The following VPS13C variants were observed in gnomAD, a reference collection of about 807,000 sequenced individuals.
The protein encoded by VPS13C is vacuolar protein sorting 13 homolog C, also known as intermembrane lipid transfer protein VPS13C.
Under a neutral mutation model 456.8 loss-of-function variants are expected in VPS13C, and 358 were observed. The observed-to-expected ratio is 0.78, with a 90% CI of 0.72 to 0.86. The LOEUF (loss-of-function observed/expected upper bound fraction) is 0.86, where lower values mean the gene tolerates loss of function less well. Among genes scored for constraint, VPS13C ranks in the 40% least tolerant of loss-of-function variants. The pLI, the probability that VPS13C is intolerant of heterozygous loss-of-function variation, is 0.00. For synonymous variants in VPS13C, 1,578 were observed against 1,486.7 expected, an observed-to-expected ratio of 1.06 and a Z score of -1.41; for missense variants, 4,818 against 4,385.4, an observed-to-expected ratio of 1.10 and a Z score of -2.79.
At chr15:62,053,753 G>A (rs1481496106) in intron 1 of VPS13C, among the ~76,000 whole-genome samples, 1 of 152,210 alleles carries the variant, frequency 6.6e-6, no homozygotes. Context: ...TCCCAGTCCA[G>A]TGTTCATTCT....
At chr15:61,927,667 C>A (rs1386178414) in intron 51 of VPS13C, among the ~76,000 whole-genome samples, 3 of 152,046 alleles carry the variant, frequency 2.0e-5, no homozygotes, top group Non-Finnish European at 4.4e-5. Flanking sequence ...CTAGAAATAC[C>A]ATTTGACCCA....
At chr15:62,011,970 A>G (rs2047055818) in intron 12 of VPS13C, 137 bp downstream of exon 12, 1 of 551,866 alleles carries the variant, frequency 1.8e-6, no homozygotes, top group Non-Finnish European at 3.2e-6. Flanking sequence ...TATAACCCAA[A>G]CATGTTGTAT....
At chr15:62,031,678 A>G (rs1218135137) in intron 5 of VPS13C, among the ~76,000 whole-genome samples, 1 of 151,992 alleles carries the variant, frequency 6.6e-6, no homozygotes, top group Admixed American at 6.6e-5. Context: ...CTTAAATTTT[A>G]TCATTCAAGA....
chr15:62,015,782 C>T (rs1388102090), intron 9 of VPS13C, among the ~76,000 whole-genome samples: 3 of 52,620 alleles, frequency 5.7e-5, no homozygotes, highest in Admixed American at 2.6e-4. Context: ...GTGGTGGGGT[C>T]GGGGGAGGGG....
chr15:62,001,565 A>T (rs554251587), intron 15 of VPS13C, among the ~76,000 whole-genome samples: 180 of 152,272 alleles, frequency 1.2e-3, no homozygotes, highest in Non-Finnish European at 1.9e-3. Flanking sequence ...CATGTGCACA[A>T]CGTGCAGGTT....
intron 21 of VPS13C, 37 bp downstream of exon 21, chr15:61,982,422 C>T: frequency 6.5e-7 from 1 of 1,527,742 alleles, no homozygotes; most frequent in Non-Finnish European, 8.8e-7. Flanking sequence ...AATTTTTAAG[C>T]TTAGCTGATG....
intron 1 of VPS13C, among the ~76,000 whole-genome samples, chr15:62,059,530 G>A (rs1480566054): frequency 3.3e-5 from 5 of 152,142 alleles, no homozygotes; most frequent in Non-Finnish European, 7.3e-5. Flanking sequence ...TAATCTCCAG[G>A]ATAAAAACGT....
chr15:61,857,227 C>CA (rs1893965973), intron 82 of VPS13C, among the ~76,000 whole-genome samples: 1 of 152,014 alleles, frequency 6.6e-6, no homozygotes, highest in Admixed American at 6.6e-5. Context: ...AGAGGAGAAA[C>CA]AAACATGTAA....
chr15:62,021,210 G>C (rs2047449615), intron 8 of VPS13C, among the ~76,000 whole-genome samples: 1 of 151,788 alleles, frequency 6.6e-6, no homozygotes, highest in African/African-American at 2.4e-5. Flanking sequence ...TATTATGGGT[G>C]ATGGAGACAC....
In VPS13C at chr15:61,882,266, C is replaced by T. The variant is rs527717660; in HGVS notation, c.9624+330G>A. On this transcript the variant is annotated intron_variant, in intron 69 of 84. Transcript: ENST00000644861. ...AGAGCAAGCAAGCATCCAAAAGGAACCTCCAGCAAAGCTCTGCTCTCTGTC... is the reference window on the plus strand; with the variant it reads ...AGAGCAAGCAAGCATCCAAAAGGAATCTCCAGCAAAGCTCTGCTCTCTGTC... 5.3e-5 allele frequency among the ~76,000 whole-genome samples: 8 copies of T among 152,248 alleles called. No individual in the cohort carries two copies. The South Asian group carries it at 1.7e-3, about 32-fold the overall frequency.
rs1313859268 is a variant in VPS13C, at chr15:61,863,508, T to C, written c.10884A>G (p.Glu3628=). The C allele has an allele frequency of 1.2e-6, 2 of 1,612,800 alleles. No individual in the cohort carries two copies. Among genetic ancestry groups the C allele is most frequent in the African/African-American group, 2.7e-5 (2 of 74,992 alleles). Residue 3628 remains glutamate (E), a synonymous_variant, in exon 82 of 85, where the codon GAA becomes GAG. Transcript: ENST00000644861. ...CACAGTGGTATCGGTAAGTCTCTCCTTCCAACTTTTTGATATGATTCTGAA... is the reference window on the plus strand; with the variant it reads ...CACAGTGGTATCGGTAAGTCTCTCCCTCCAACTTTTTGATATGATTCTGAA... The part of the protein sequence containing the change: ...DLLENHIKKL[E]GETYRYHCAI...
chr15:62,056,316 T>C (rs894620639), intron 1 of VPS13C, among the ~76,000 whole-genome samples: 1 of 152,170 alleles, frequency 6.6e-6, no homozygotes, highest in Non-Finnish European at 1.5e-5. Flanking sequence ...AATATTATAA[T>C]AATCCTCGCT....
chr15:62,027,989 C>T (rs932121900), intron 6 of VPS13C, among the ~76,000 whole-genome samples: 1 of 152,034 alleles, frequency 6.6e-6, no homozygotes. Flanking sequence ...AAAACCACCG[C>T]TATCAGAGAG....
chr15:61,954,839 G>T (rs1335951860), intron 37 of VPS13C, among the ~76,000 whole-genome samples: 1 of 152,144 alleles, frequency 6.6e-6, no homozygotes, highest in Non-Finnish European at 1.5e-5. Flanking sequence ...CTGTTATACA[G>T]AAGTCAAGAA....
In VPS13C at chr15:61,947,233, G is replaced by C; in HGVS notation, c.4836C>G (p.Val1612=). ...TAELNAFNVF[V]CDQKCNIADI... ...CTGCAATGTTACACTTCTGATCACA[G>C]ACAAAGACATTAAATGCATTTAATT... Residue 1612 remains valine (V), a synonymous_variant, in exon 43 of 85, where the codon GTC becomes GTG. Coordinates refer to ENST00000644861, the MANE Select transcript of VPS13C (RefSeq NM_020821.3). 1 of 1,606,712 alleles carries C rather than the reference G, an allele frequency of 6.2e-7. No individual in the cohort carries two copies. Among genetic ancestry groups the C allele is most frequent in the Non-Finnish European group, 8.5e-7 (1 of 1,177,562 alleles).
intron 1 of VPS13C, among the ~76,000 whole-genome samples, chr15:62,050,156 A>G (rs1171877475): frequency 6.6e-6 from 1 of 152,194 alleles, no homozygotes; most frequent in African/African-American, 2.4e-5. Flanking sequence ...TAATCCTTTA[A>G]AACAAAAAAC....
At chr15:62,000,523 A>G in intron 16 of VPS13C, 41 bp downstream of exon 16, 1 of 1,567,436 alleles carries the variant, frequency 6.4e-7, no homozygotes, top group Non-Finnish European at 8.7e-7. Context: ...AGCGGGCATT[A>G]ACATGTTTAA....
intron 24 of VPS13C, among the ~76,000 whole-genome samples, chr15:61,974,931 C>A (rs1460060158): frequency 6.6e-6 from 1 of 152,128 alleles, no homozygotes; most frequent in Non-Finnish European, 1.5e-5. Flanking sequence ...CAGTTGCTTA[C>A]TTTTTGGCAG....
At chr15:61,854,683 C>T in intron 84 of VPS13C, 125 bp from the exon 85 acceptor site, 1 of 1,101,598 alleles carries the variant, frequency 9.1e-7, no homozygotes, top group Non-Finnish European at 1.4e-6. Context: ...ACCAAGGATA[C>T]AGTCCAGATG....
Sources: gnomAD v4.1 joint callset for allele counts (sites outside exome capture counted in the v4.1 genomes callset) on GRCh38, gnomAD v4.1.1 for gene constraint, MANE v1.5 for transcripts, NCBI Gene and HGNC (gene_info 2026-07-23, HGNC 2026-07-21) for gene names.